PPFIA2: variants seen among roughly 807,000 people sequenced by gnomAD.
PPFIA2 encodes the protein liprin-alpha-2.
PPFIA2 carries 46 observed loss-of-function variants against 175.5 expected under a neutral mutation model. The ratio of observed to expected loss-of-function variants is 0.26; its 90% confidence interval spans 0.21 to 0.34. PPFIA2 has a LOEUF of 0.34. PPFIA2 is among the 10% of genes least tolerant of loss of function. The probability of loss-of-function intolerance (pLI) is 1.00; values close to 1 mark genes in which losing one functional copy is unlikely to be tolerated. For missense variants in PPFIA2, 1,179 were observed against 1,506.1 expected (o/e 0.78, Z 3.60); for synonymous variants, 568 against 511.4 (o/e 1.11, Z -1.49).
At chr12:81,386,320 T>G (rs549024589) in intron 8 of PPFIA2, among the ~76,000 whole-genome samples, 2 of 131,250 alleles carry the variant, frequency 1.5e-5, no homozygotes, top group Non-Finnish European at 3.3e-5. Context: ...AATAAATAAA[T>G]AAGAAAAGAA....
At position 81,759,328 on chromosome 12, in the gene PPFIA2, CT is replaced by C. The variant is rs1326491592; in HGVS notation, c.-160del. The stretch of plus-strand genomic sequence containing the variant: ...TACAGCATCTTCTCTCCTCACTTGC[CT>C]CGTGCGGTGGCTGCTACTCCTCCTC... On this transcript the variant is annotated 5_prime_UTR_variant, in exon 1 of 33. Transcript: ENST00000549396. 1.3e-5 allele frequency: 2 copies of C among 152,264 alleles called. No homozygotes were observed. Among genetic ancestry groups the C allele is most frequent in the Non-Finnish European group, 2.9e-5 (2 of 68,182 alleles). The allele number at this position is 152,264 out of a possible 1,614,324, so 9.4% of individuals were successfully genotyped here. A position where few individuals can be genotyped will look rare whatever the true frequency, so the allele number is the denominator to read the frequency against.
At chr12:81,369,037 A>C in intron 12 of PPFIA2, 74 bp downstream of exon 12, 5 of 1,348,058 alleles carry the variant, frequency 3.7e-6, no homozygotes, top group Non-Finnish European at 4.1e-6. Flanking sequence ...ACTCAGTTAA[A>C]GGCTTTCTTC....
chr12:81,484,141 A>G (rs1168383792), intron 4 of PPFIA2, among the ~76,000 whole-genome samples: 3 of 151,950 alleles, frequency 2.0e-5, no homozygotes, highest in African/African-American at 7.2e-5. Flanking sequence ...TCAGAGTTTC[A>G]TTTTTCTGCC....
At chr12:81,345,497 T>A (rs2058905380) in intron 18 of PPFIA2, among the ~76,000 whole-genome samples, 2 of 151,552 alleles carry the variant, frequency 1.3e-5, no homozygotes, top group South Asian at 4.2e-4. Context: ...TCTCTGTCTC[T>A]CACACACACA....
intron 28 of PPFIA2, among the ~76,000 whole-genome samples, chr12:81,269,233 GA>G (rs778000189): frequency 6.6e-6 from 1 of 151,418 alleles, no homozygotes; most frequent in African/African-American, 2.4e-5. Flanking sequence ...ATTGTCCATA[GA>G]AAAGAAAGAA....
intron 4 of PPFIA2, among the ~76,000 whole-genome samples, chr12:81,498,143 G>A (rs2060222073): frequency 6.6e-6 from 1 of 152,134 alleles, no homozygotes; most frequent in Admixed American, 6.5e-5. Flanking sequence ...AATAATTTTA[G>A]ATGTATAAAA....
intron 4 of PPFIA2, among the ~76,000 whole-genome samples, chr12:81,502,838 TA>T (rs1227780579): frequency 1.3e-5 from 2 of 152,198 alleles, no homozygotes; most frequent in Non-Finnish European, 2.9e-5. Flanking sequence ...TGTAATCATT[TA>T]TCTAAATAAT....
At chr12:81,445,213 G>T (rs796700822) in intron 6 of PPFIA2, among the ~76,000 whole-genome samples, 15 of 132,766 alleles carry the variant, frequency 1.1e-4, no homozygotes, top group African/African-American at 3.9e-4. Context: ...AGGTGGGGGG[G>T]GGGGAGGGGG....
chr12:81,553,120 T>C (rs1043649120), intron 4 of PPFIA2, among the ~76,000 whole-genome samples: 1 of 151,966 alleles, frequency 6.6e-6, no homozygotes, highest in African/African-American at 2.4e-5. Flanking sequence ...AGCATTAATC[T>C]CACGGGCTGA....
chr12:81,450,343 G>A (rs2145506216), intron 5 of PPFIA2, among the ~76,000 whole-genome samples: 1 of 152,318 alleles, frequency 6.6e-6, no homozygotes, highest in Non-Finnish European at 1.5e-5. Context: ...TAACTGGTGT[G>A]AGATGGTATC....
intron 9 of PPFIA2, among the ~76,000 whole-genome samples, chr12:81,376,282 G>A (rs1424702166): frequency 6.6e-6 from 1 of 152,118 alleles, no homozygotes; most frequent in Non-Finnish European, 1.5e-5. Flanking sequence ...AATGAGTAGA[G>A]TTGCAAATCA....
intron 17 of PPFIA2, among the ~76,000 whole-genome samples, chr12:81,352,702 T>C (rs1041551934): frequency 5.3e-5 from 8 of 152,168 alleles, no homozygotes; most frequent in African/African-American, 1.9e-4. Flanking sequence ...GCACATTAAT[T>C]TGCATACTAT....
chr12:81,529,281 C>T (rs2064155414), intron 4 of PPFIA2, among the ~76,000 whole-genome samples: 1 of 151,954 alleles, frequency 6.6e-6, no homozygotes, highest in Non-Finnish European at 1.5e-5. Flanking sequence ...AAAACAAAGT[C>T]ATCATAGATT....
At chr12:81,390,164 A>G (rs2039849078) in intron 8 of PPFIA2, among the ~76,000 whole-genome samples, 1 of 152,056 alleles carries the variant, frequency 6.6e-6, no homozygotes, top group African/African-American at 2.4e-5. Flanking sequence ...GGGATATATT[A>G]CATGTTATTT....
At chr12:81,566,558 GA>G (rs1457683534) in intron 4 of PPFIA2, among the ~76,000 whole-genome samples, 1 of 135,884 alleles carries the variant, frequency 7.4e-6, no homozygotes, top group South Asian at 2.4e-4. Flanking sequence ...AAAAAGAAAA[GA>G]AAAGAAAAAA....
intron 11 of PPFIA2, among the ~76,000 whole-genome samples, chr12:81,372,996 C>T (rs1477699784): frequency 8.6e-5 from 13 of 151,634 alleles, no homozygotes; most frequent in Admixed American, 7.9e-4. Context: ...AAATATAAGG[C>T]ACCTAATTCC....
intron 4 of PPFIA2, among the ~76,000 whole-genome samples, chr12:81,523,049 G>GT (rs1234788132): frequency 6.6e-6 from 1 of 152,072 alleles, no homozygotes. Context: ...ACATGAGATT[G>GT]TTTTTTTGGC....
At chr12:81,269,270 G>GA (rs925164239) in intron 28 of PPFIA2, among the ~76,000 whole-genome samples, 1 of 151,742 alleles carries the variant, frequency 6.6e-6, no homozygotes, top group Non-Finnish European at 1.5e-5. Flanking sequence ...GGGGATATGA[G>GA]AAAAAAATTA....
intron 4 of PPFIA2, among the ~76,000 whole-genome samples, chr12:81,475,112 C>T (rs1267982392): frequency 6.6e-6 from 1 of 152,168 alleles, no homozygotes; most frequent in Admixed American, 6.5e-5. Context: ...AGACAGAACA[C>T]TAGAAGCTTT....
Sources: gnomAD v4.1 joint callset for allele counts (sites outside exome capture counted in the v4.1 genomes callset) on GRCh38, gnomAD v4.1.1 for gene constraint, MANE v1.5 for transcripts, NCBI Gene and HGNC (gene_info 2026-07-23, HGNC 2026-07-21) for gene names.